Variants in MCPH1 observed in about 807,000 individuals in gnomAD.
The protein encoded by MCPH1 is microcephalin 1, also known as microcephalin.
In MCPH1, 104 loss-of-function variants were observed where a neutral mutation model predicts 84.5. The observed-to-expected ratio is 1.23, with a 90% CI of 1.05 to 1.45. The LOEUF (loss-of-function observed/expected upper bound fraction) is 1.45, where lower values mean the gene tolerates loss of function less well. MCPH1 is among the 40% of genes most tolerant of loss of function. The probability of loss-of-function intolerance (pLI) is 0.00; values close to 1 mark genes in which losing one functional copy is unlikely to be tolerated. For missense variants in MCPH1, 1,498 were observed against 1,005.7 expected, an observed-to-expected ratio of 1.49 and a Z score of -6.62; for synonymous variants, 514 against 366.8, an observed-to-expected ratio of 1.40 and a Z score of -4.58.
intron 12 of MCPH1, among the ~76,000 whole-genome samples, chr8:6,597,047 A>G (rs1417712151): frequency 6.6e-6 from 1 of 152,222 alleles, no homozygotes; most frequent in Non-Finnish European, 1.5e-5. Context: ...CCAGGTGGGC[A>G]GGAGATGGGC....
chr8:6,502,925 T>C, intron 12 of MCPH1: 1 of 677,610 alleles, frequency 1.5e-6, no homozygotes, highest in Non-Finnish European at 2.5e-6. Flanking sequence ...CGTTAAGTGA[T>C]GCAAGTTTAA....
chr8:6,533,881 G>A (rs1820003891), intron 12 of MCPH1, among the ~76,000 whole-genome samples: 1 of 152,110 alleles, frequency 6.6e-6, no homozygotes, highest in African/African-American at 2.4e-5. Flanking sequence ...AAATAGGATG[G>A]GAAGGGTAGA....
intron 9 of MCPH1, among the ~76,000 whole-genome samples, chr8:6,470,033 G>T (rs1446402174): frequency 6.6e-6 from 1 of 151,962 alleles, no homozygotes; most frequent in Non-Finnish European, 1.5e-5. Context: ...AATCCTGCAT[G>T]TTTTTTTCTC....
intron 9 of MCPH1, among the ~76,000 whole-genome samples, chr8:6,470,382 C>G (rs1039820433): frequency 6.6e-6 from 1 of 152,150 alleles, no homozygotes; most frequent in Non-Finnish European, 1.5e-5. Flanking sequence ...CTCCCGGGTT[C>G]AAGCGATTCT....
chr8:6,515,412 T>C (rs1057404227), intron 12 of MCPH1, among the ~76,000 whole-genome samples: 1 of 152,206 alleles, frequency 6.6e-6, no homozygotes, highest in Non-Finnish European at 1.5e-5. Flanking sequence ...GGGCTTGGCT[T>C]AGCACCTTGG....
chr8:6,556,824 A>T (rs999058312), intron 12 of MCPH1, among the ~76,000 whole-genome samples: 5 of 151,964 alleles, frequency 3.3e-5, no homozygotes, highest in African/African-American at 7.3e-5. Flanking sequence ...CCTGGCCTCA[A>T]AGTGTCTTCC....
intron 4 of MCPH1, among the ~76,000 whole-genome samples, chr8:6,432,482 A>G (rs142164101): frequency 6.6e-6 from 1 of 152,266 alleles, no homozygotes; most frequent in African/African-American, 2.4e-5. Context: ...CATTTGAGAT[A>G]GAATTCACAT....
At chr8:6,533,663 A>G (rs1216709684) in intron 12 of MCPH1, among the ~76,000 whole-genome samples, 2 of 148,086 alleles carry the variant, frequency 1.4e-5, no homozygotes, top group Non-Finnish European at 3.0e-5. Flanking sequence ...TGCACAAACC[A>G]TGTTTTCTTC....
At chr8:6,632,381 T>C (rs77324417) in intron 13 of MCPH1, among the ~76,000 whole-genome samples, 248 of 152,286 alleles carry the variant, frequency 1.6e-3, no homozygotes, top group African/African-American at 4.9e-3. Context: ...CCTCCACAGA[T>C]AGTTTTAGTA....
intron 12 of MCPH1, among the ~76,000 whole-genome samples, chr8:6,537,627 C>A (rs1036933916): frequency 1.3e-5 from 2 of 151,662 alleles, no homozygotes; most frequent in Admixed American, 1.3e-4. Context: ...ACTCCCACAA[C>A]GTTTTGAATG....
Position 6,519,911 on chromosome 8 carries a change from T to C in MCPH1, c.2214+19982T>C, listed in dbSNP as rs561085589. ...GGGAATGTTAACGTGTAGATGCCATTCGTGGTGTGTCCTGATTTGAATACT... is the reference window on the plus strand; with the variant it reads ...GGGAATGTTAACGTGTAGATGCCATCCGTGGTGTGTCCTGATTTGAATACT... On this transcript the variant is annotated intron_variant, in intron 12 of 13. Coordinates refer to ENST00000344683, the MANE Select transcript of MCPH1 (RefSeq NM_024596.5). 64 of 1,614,090 alleles carry C rather than the reference T, an allele frequency of 4.0e-5. No individual in the cohort carries two copies. In the South Asian group the frequency reaches 6.8e-4, roughly 17 times the overall value.
intron 8 of MCPH1, among the ~76,000 whole-genome samples, chr8:6,452,443 C>T (rs959418465): frequency 3.3e-5 from 5 of 152,142 alleles, no homozygotes; most frequent in South Asian, 2.1e-4. Context: ...TTCGTGAAAA[C>T]GAAGTCAATG....
chr8:6,591,820 T>C (rs1372084626), intron 12 of MCPH1, among the ~76,000 whole-genome samples: 1 of 152,218 alleles, frequency 6.6e-6, no homozygotes, highest in Non-Finnish European at 1.5e-5. Context: ...ACCCTTGGCA[T>C]ACTCTATATT....
chr8:6,411,150 A>G (rs747613022), intron 2 of MCPH1, among the ~76,000 whole-genome samples: 8 of 152,312 alleles, frequency 5.3e-5, no homozygotes, highest in Admixed American at 1.3e-4. Flanking sequence ...CCTGATGTCA[A>G]AAGGTCATTT....
chr8:6,482,682 C>A (rs1278273237), intron 11 of MCPH1, among the ~76,000 whole-genome samples: 1 of 152,238 alleles, frequency 6.6e-6, no homozygotes, highest in Non-Finnish European at 1.5e-5. Flanking sequence ...TAGAGACCTG[C>A]TCCCTGGTTG....
intron 12 of MCPH1, chr8:6,514,585 T>A (rs1815863600): frequency 9.2e-7 from 1 of 1,082,294 alleles, no homozygotes; most frequent in Non-Finnish European, 1.4e-6. Flanking sequence ...AGTCATTGGT[T>A]AGTTTGGGAT....
At chr8:6,445,818 C>A in intron 8 of MCPH1, 1 of 1,199,942 alleles carries the variant, frequency 8.3e-7, no homozygotes, top group African/African-American at 1.6e-5. Flanking sequence ...ATAAGTAGTC[C>A]ATAGTATGAA....
chr8:6,419,388 T>TA (rs1322571643), intron 3 of MCPH1, among the ~76,000 whole-genome samples: 7 of 14,678 alleles, frequency 4.8e-4, no homozygotes, highest in African/African-American at 7.8e-4. Flanking sequence ...GCCCAGCCAT[T>TA]AAAAAATTTT....
At chr8:6,486,258 A>G (rs567216359) in intron 11 of MCPH1, among the ~76,000 whole-genome samples, 22 of 107,282 alleles carry the variant, frequency 2.1e-4, no homozygotes, top group African/African-American at 6.9e-4. Context: ...TTTGTGTACA[A>G]GGAATCTCTC....
Sources: allele counts gnomAD v4.1 joint callset (sites outside exome capture counted in the v4.1 genomes callset), GRCh38; gene constraint gnomAD v4.1.1; transcripts MANE v1.5; gene names NCBI Gene and HGNC (gene_info 2026-07-23, HGNC 2026-07-21).